Variants in SCN8A observed in about 807,000 individuals in gnomAD.
The protein encoded by SCN8A is sodium channel protein type 8 subunit alpha.
In SCN8A, 30 loss-of-function variants were observed where a neutral mutation model predicts 184.1. The observed-to-expected ratio is 0.16, with a 90% CI of 0.12 to 0.22. The LOEUF is 0.22. SCN8A is among the 10% of genes least tolerant of loss of function. SCN8A has a pLI of 1.00. For synonymous variants in SCN8A, 852 were observed against 907.0 expected, an observed-to-expected ratio of 0.94 and a Z score of 1.09; for missense variants, 1,057 against 2,498.9, an observed-to-expected ratio of 0.42 and a Z score of 12.30.
intron 1 of SCN8A, among the ~76,000 whole-genome samples, chr12:51,645,266 A>G (rs1292860): frequency 2.7e-4 from 33 of 122,996 alleles, no homozygotes; most frequent in African/African-American, 3.8e-4. Flanking sequence ...GCCTCTGCCC[A>G]GCCGCCCCTA....
At chr12:51,717,536 C>A (rs1444832704) in intron 11 of SCN8A, among the ~76,000 whole-genome samples, 2 of 152,194 alleles carry the variant, frequency 1.3e-5, no homozygotes, top group Non-Finnish European at 2.9e-5. Flanking sequence ...CCGAGCAGAG[C>A]TGGTTCAGGG....
intron 26 of SCN8A, among the ~76,000 whole-genome samples, chr12:51,801,096 A>C (rs1170847771): frequency 1.3e-5 from 2 of 152,138 alleles, no homozygotes; most frequent in Non-Finnish European, 2.9e-5. Context: ...CTTCCTATCA[A>C]TTTCACTTCT....
chr12:51,616,613 C>A (rs1337642425), intron 1 of SCN8A, among the ~76,000 whole-genome samples: 1 of 151,724 alleles, frequency 6.6e-6, no homozygotes, highest in East Asian at 1.9e-4. Flanking sequence ...TGTCTCCAAA[C>A]AAACAAACAA....
intron 14 of SCN8A, among the ~76,000 whole-genome samples, chr12:51,759,866 G>A (rs1942736114): frequency 6.6e-6 from 1 of 152,232 alleles, no homozygotes; most frequent in African/African-American, 2.4e-5. Flanking sequence ...AGGGCATGGT[G>A]CCAGTACCTG....
At chr12:51,774,146 T>G in intron 19 of SCN8A, 43 bp from the exon 20 acceptor site, 2 of 1,601,282 alleles carry the variant, frequency 1.2e-6, no homozygotes, top group Non-Finnish European at 1.7e-6. Flanking sequence ...GTGGCCTGCT[T>G]GCCTTTAGGC....
chr12:51,782,459 C>T (rs1193049159), intron 21 of SCN8A, among the ~76,000 whole-genome samples: 1 of 152,224 alleles, frequency 6.6e-6, no homozygotes, highest in African/African-American at 2.4e-5. Flanking sequence ...TGATAATCCA[C>T]TTTGGTGACT....
At chr12:51,608,188 T>C (rs555619126) in intron 1 of SCN8A, among the ~76,000 whole-genome samples, 32 of 151,696 alleles carry the variant, frequency 2.1e-4, no homozygotes, top group East Asian at 1.9e-4. Context: ...GCCCGGCTAA[T>C]TTTTTTTGTA....
At chr12:51,738,828 G>A (rs1437118845) in intron 12 of SCN8A, among the ~76,000 whole-genome samples, 1 of 152,192 alleles carries the variant, frequency 6.6e-6, no homozygotes, top group Non-Finnish European at 1.5e-5. Context: ...CTCCTGTTGG[G>A]ACCTTTTGCG....
At position 51,636,924 on chromosome 12, in the gene SCN8A, AT is replaced by A. The variant is rs373723867; in HGVS notation, c.-54-25833del. Among the ~76,000 whole-genome samples the A allele has an allele frequency of 9.8e-5, 15 of 152,318 alleles. No individual in the cohort carries two copies. The South Asian group carries it at 1.7e-3, about 17-fold the overall frequency. ...CTTTATTGTAATTTGCAGATACTGC[AT>A]TTTTTTACAAATTGTAAGTTTGTGC... On this transcript the variant is annotated intron_variant, in intron 1 of 26. Coordinates refer to ENST00000627620, the MANE Select transcript of SCN8A (RefSeq NM_001330260.2).
At chr12:51,789,801 C>G (rs1042718262) in intron 24 of SCN8A, among the ~76,000 whole-genome samples, 1 of 152,178 alleles carries the variant, frequency 6.6e-6, no homozygotes, top group African/African-American at 2.4e-5. Flanking sequence ...TGAGCACAAG[C>G]AAATTGGGAT....
At chr12:51,722,115 C>T in intron 12 of SCN8A, 1 of 726,144 alleles carries the variant, frequency 1.4e-6, no homozygotes, top group Non-Finnish European at 2.2e-6. Context: ...TTCAGTTTTC[C>T]CCCTATTACT....
intron 13 of SCN8A, among the ~76,000 whole-genome samples, 199 bp downstream of exon 13, chr12:51,746,234 A>C (rs1942510223): frequency 6.6e-6 from 1 of 152,204 alleles, no homozygotes. Flanking sequence ...TATGGGCTTC[A>C]GATATGCTGC....
Position 51,792,683 on chromosome 12 carries a change from T to C in SCN8A, c.4525-1688T>C, listed in dbSNP as rs115413104. ...CCAGGTTAACAAATAGGGATTGTGT[T>C]GCAAGCCCAGTGGGAAGCTCTTGAA... is the stretch of plus-strand genomic sequence containing the variant. On this transcript the variant is annotated intron_variant, in intron 25 of 26. Coordinates refer to ENST00000627620, the MANE Select transcript of SCN8A (RefSeq NM_001330260.2). 7.7e-3 allele frequency among the ~76,000 whole-genome samples: 1,171 copies of C among 152,056 alleles called. 24 individuals are homozygous for C. Among genetic ancestry groups the C allele is most frequent in the African/African-American group, 0.027 (1,118 of 41,486 alleles).
rs201458257 is a variant in SCN8A, at chr12:51,794,594, T to C, written c.4748T>C (p.Ile1583Thr). The change falls in exon 26 of 27, where the codon ATT becomes ACT. Residue 1583 changes from isoleucine (I) to threonine (T), a missense_variant. Transcript: ENST00000627620. ...MFALRHYYFT[I>T]GWNIFDFVVV... is the part of the protein sequence containing the mutation. ...GCGTTGAGGCACTACTACTTCACCA[T>C]TGGCTGGAACATCTTCGACTTCGTG... 753 of 1,613,900 alleles carry C rather than the reference T, an allele frequency of 4.7e-4. No individual in the cohort carries two copies. Among genetic ancestry groups the C allele is most frequent in the Non-Finnish European group, 6.1e-4 (719 of 1,179,890 alleles).
At chr12:51,794,297 G>A in intron 25 of SCN8A, 74 bp from the exon 26 acceptor site, 2 of 1,465,252 alleles carry the variant, frequency 1.4e-6, no homozygotes, top group Non-Finnish European at 1.9e-6. Flanking sequence ...TCGATTAGCA[G>A]GGTGACAGCT....
In SCN8A at chr12:51,807,431, G is replaced by A. The variant is rs1269728634; in HGVS notation, c.*2G>A. ...GAGGTCAGAGAATCCAAGTGTTAGAGGAGAACAAAAATTCAGTATTATACA... is the reference window on the plus strand; with the variant it reads ...GAGGTCAGAGAATCCAAGTGTTAGAAGAGAACAAAAATTCAGTATTATACA... On this transcript the variant is annotated 3_prime_UTR_variant, in exon 27 of 27. Transcript: ENST00000627620. The surrounding 1 kb of genome is among the most constrained non-coding windows in gnomAD (Gnocchi z 4.5). 1 of 1,602,876 alleles carries A rather than the reference G, an allele frequency of 6.2e-7. No homozygotes were observed. The highest frequency in any genetic ancestry group is 2.2e-5 in the East Asian group (1 of 44,446).
In SCN8A at chr12:51,614,936, G is replaced by A. The variant is rs141371894; in HGVS notation, c.-55+23577G>A. Reference sequence around the variant, plus strand: ...CAGTATTGTTAATTATATGTTCAATGTTGTACAGGAGATCTCCAGAATTTA... The same window carrying A: ...CAGTATTGTTAATTATATGTTCAATATTGTACAGGAGATCTCCAGAATTTA... On this transcript the variant is annotated intron_variant, in intron 1 of 26. Coordinates refer to ENST00000627620, the MANE Select transcript of SCN8A (RefSeq NM_001330260.2). 5.0e-3 allele frequency among the ~76,000 whole-genome samples: 763 copies of A among 152,062 alleles called. 5 individuals carry two copies. Among genetic ancestry groups the A allele is most frequent in the African/African-American group, 0.017 (719 of 41,492 alleles).
At position 51,712,849 on chromosome 12, in the gene SCN8A, C is replaced by T. The variant is rs988185282; in HGVS notation, c.1635+6134C>T. ...TCCATAACTACCTCTGCTGCCACCA[C>T]CTCCACCACCATAGCCTCCTCTTCC... On this transcript the variant is annotated intron_variant, in intron 11 of 26. Coordinates refer to ENST00000627620, the MANE Select transcript of SCN8A (RefSeq NM_001330260.2). The T allele has an allele frequency of 3.2e-5, 44 of 1,366,166 alleles. No homozygotes were observed. In the African/African-American group the frequency reaches 5.6e-4, roughly 17 times the overall value. 84.6% of individuals were successfully genotyped at this position (1,366,166 alleles called of 1,614,324 possible). A position where few individuals can be genotyped will look rare whatever the true frequency, so the allele number is the denominator to read the frequency against.
intron 14 of SCN8A, among the ~76,000 whole-genome samples, chr12:51,753,285 T>C (rs1290477195): frequency 1.3e-5 from 2 of 151,974 alleles, no homozygotes; most frequent in Admixed American, 1.3e-4. Context: ...CAATTAGCAG[T>C]GGGGAGGGAG....
Sources: allele counts gnomAD v4.1 joint callset (sites outside exome capture counted in the v4.1 genomes callset), GRCh38; gene constraint gnomAD v4.1.1; non-coding constraint Gnocchi (gnomAD v3.1); transcripts MANE v1.5; gene names NCBI Gene and HGNC (gene_info 2026-07-23, HGNC 2026-07-21).